Variants in NBEA observed in about 807,000 individuals in gnomAD.
NBEA encodes the protein lysosomal-trafficking regulator 2.
A neutral mutation model predicts 343.4 loss-of-function variants in NBEA; 44 were observed. The ratio of observed to expected loss-of-function variants is 0.13; its 90% CI spans 0.10 to 0.16. The LOEUF (loss-of-function observed/expected upper bound fraction) is 0.16. Among genes scored for constraint, NBEA ranks in the 10% least tolerant of loss-of-function variants. The probability of loss-of-function intolerance (pLI) is 1.00; values close to 1 mark genes in which losing one functional copy is unlikely to be tolerated. For missense variants in NBEA, 2,555 were observed against 3,631.3 expected (o/e 0.70, Z 7.62); for synonymous variants, 1,175 against 1,238.7 (o/e 0.95, Z 1.08).
At chr13:35,147,146 A>G (rs1282253465) in intron 18 of NBEA, among the ~76,000 whole-genome samples, 3 of 152,160 alleles carry the variant, frequency 2.0e-5, no homozygotes, top group Admixed American at 6.5e-5. Flanking sequence ...TCTTAGATCA[A>G]CTTGGCCCTG....
chr13:35,135,083 T>G (rs1478427291), intron 17 of NBEA, among the ~76,000 whole-genome samples: 1 of 152,006 alleles, frequency 6.6e-6, no homozygotes. Flanking sequence ...CATTAATAAA[T>G]AAAATAAAAC....
chr13:35,668,315 G>GTATTT (rs2085451998), intron 57 of NBEA, 53 bp from the exon 58 acceptor site: 2 of 1,512,742 alleles, frequency 1.3e-6, no homozygotes, highest in African/African-American at 2.8e-5. Context: ...TGGTTGTTGT[G>GTATTT]TATTTTATTT....
At position 35,042,469 on chromosome 13, in the gene NBEA, T is replaced by A. The variant is rs377662244; in HGVS notation, c.526+1305T>A. On this transcript the variant is annotated intron_variant, in intron 2 of 58. Coordinates refer to ENST00000379939, the MANE Select transcript of NBEA (RefSeq NM_001385012.1). ...TTAATTCTTACATCTGAGCTTAAGC[T>A]CTTAATTTTTTTTTTGTAAATTGGC... Among the ~76,000 whole-genome samples, 13 of 151,926 alleles carry A rather than the reference T, an allele frequency of 8.6e-5. No individual in the cohort carries two copies. The East Asian group carries it at 2.1e-3, about 25-fold the overall frequency.
In NBEA at chr13:35,584,927, C is replaced by A. The variant is rs557764205; in HGVS notation, c.7176+889C>A. Among the ~76,000 whole-genome samples, 135 of 151,932 alleles carry A rather than the reference C, an allele frequency of 8.9e-4. 1 individual carries two copies. In the South Asian group the frequency reaches 0.027, roughly 30 times the overall value. Reference sequence around the variant, plus strand: ...CACTGGGATTACAGGTGTGAGCCACCACACCTAGCCCTGGAGTGCATTCTT... The same window carrying A: ...CACTGGGATTACAGGTGTGAGCCACAACACCTAGCCCTGGAGTGCATTCTT... On this transcript the variant is annotated intron_variant, in intron 46 of 58. Coordinates refer to ENST00000379939, the MANE Select transcript of NBEA (RefSeq NM_001385012.1).
intron 1 of NBEA, among the ~76,000 whole-genome samples, chr13:35,012,964 T>A (rs1285384975): frequency 6.6e-6 from 1 of 152,236 alleles, no homozygotes; most frequent in Non-Finnish European, 1.5e-5. Flanking sequence ...CCTGATTGTG[T>A]ACTTTAGGGA....
intron 36 of NBEA, among the ~76,000 whole-genome samples, chr13:35,321,996 C>T (rs889886341): frequency 6.6e-6 from 1 of 152,144 alleles, no homozygotes; most frequent in Non-Finnish European, 1.5e-5. Context: ...GTGCTGGCAG[C>T]GAGAATTTCA....
intron 22 of NBEA, among the ~76,000 whole-genome samples, chr13:35,161,259 A>G (rs573597944): frequency 2.0e-5 from 3 of 152,260 alleles, no homozygotes; most frequent in Admixed American, 6.5e-5. Flanking sequence ...TTTGTTTTCT[A>G]ACTTATCAAA....
At chr13:35,086,549 C>CATTT in intron 10 of NBEA, among the ~76,000 whole-genome samples, 1 of 152,050 alleles carries the variant, frequency 6.6e-6, no homozygotes, top group East Asian at 1.9e-4. Flanking sequence ...TGTCTTTAGC[C>CATTT]ATTTGCCTGT....
At chr13:34,954,664 G>C (rs901610868) in intron 1 of NBEA, among the ~76,000 whole-genome samples, 1 of 152,144 alleles carries the variant, frequency 6.6e-6, no homozygotes, top group African/African-American at 2.4e-5. Context: ...ATCCATGGAT[G>C]CTCAAGTCGT....
intron 33 of NBEA, among the ~76,000 whole-genome samples, chr13:35,213,354 G>A (rs910446407): frequency 6.6e-6 from 1 of 151,216 alleles, no homozygotes. Context: ...TTAGCCTTAG[G>A]TTTAATAAAT....
chr13:35,353,951 C>G (rs749694823), intron 38 of NBEA, among the ~76,000 whole-genome samples: 1 of 152,134 alleles, frequency 6.6e-6, no homozygotes, highest in Non-Finnish European at 1.5e-5. Flanking sequence ...CTAGAAACTC[C>G]GGCAAGATTT....
chr13:34,960,513 C>T (rs1157545977), intron 1 of NBEA, among the ~76,000 whole-genome samples: 1 of 151,956 alleles, frequency 6.6e-6, no homozygotes, highest in East Asian at 1.9e-4. Flanking sequence ...ACCACACAAC[C>T]ACTGACTCAC....
At chr13:35,504,525 GT>G (rs2077001147) in intron 41 of NBEA, among the ~76,000 whole-genome samples, 1 of 151,844 alleles carries the variant, frequency 6.6e-6, no homozygotes, top group Non-Finnish European at 1.5e-5. Context: ...TGCAGTTGCT[GT>G]TTTTGAGTAT....
At chr13:35,530,395 G>A (rs9565360) in intron 41 of NBEA, among the ~76,000 whole-genome samples, 19,583 of 152,040 alleles carry the variant, frequency 0.13, 1,642 homozygotes, top group East Asian at 0.34. Context: ...GGGGACAGCC[G>A]CCCCAGACAG....
At chr13:35,597,234 G>A (rs568056765) in intron 47 of NBEA, among the ~76,000 whole-genome samples, 35 of 152,184 alleles carry the variant, frequency 2.3e-4, no homozygotes, top group South Asian at 1.4e-3. Flanking sequence ...TAACTATACC[G>A]TGGGGTTTTA....
chr13:35,492,238 G>A (rs1226957570), intron 41 of NBEA, among the ~76,000 whole-genome samples: 1 of 151,834 alleles, frequency 6.6e-6, no homozygotes. Context: ...TATGAATTGG[G>A]TTTAATGTAT....
At chr13:35,010,740 AAATAT>A (rs1163484295) in intron 1 of NBEA, among the ~76,000 whole-genome samples, 8 of 33,628 alleles carry the variant, frequency 2.4e-4, no homozygotes, top group African/African-American at 7.4e-4. Flanking sequence ...AAAAAAAAAA[AAATAT>A]ATATATATAT....
chr13:35,150,831 G>GAGTAGAGTA (rs1555320215), intron 18 of NBEA, among the ~76,000 whole-genome samples: 4 of 151,718 alleles, frequency 2.6e-5, no homozygotes, highest in African/African-American at 9.7e-5. Flanking sequence ...GAGTAGAGTA[G>GAGTAGAGTA]GAGGCCAGGC....
At position 35,438,414 on chromosome 13, in the gene NBEA, A is replaced by T. The variant is rs2045555121; in HGVS notation, c.6304+6021A>T. Among the ~76,000 whole-genome samples, 2 of 152,202 alleles carry T rather than the reference A, an allele frequency of 1.3e-5. 1 individual carries two copies. The highest frequency in any genetic ancestry group is 4.8e-5 in the African/African-American group (2 of 41,446). ...GCAGTGAGAATAGAAAAATACTAAG[A>T]CAGCTATACAATTGTTGAGAAAGAA... is the stretch of plus-strand genomic sequence containing the variant. On this transcript the variant is annotated intron_variant, in intron 39 of 58. Coordinates refer to ENST00000379939, the MANE Select transcript of NBEA (RefSeq NM_001385012.1).
Sources: gnomAD v4.1 joint callset for allele counts (sites outside exome capture counted in the v4.1 genomes callset) on GRCh38, gnomAD v4.1.1 for gene constraint, MANE v1.5 for transcripts, NCBI Gene and HGNC (gene_info 2026-07-23, HGNC 2026-07-21) for gene names.